SDK1: variants seen among roughly 807,000 people sequenced by gnomAD.
The protein encoded by SDK1 is sidekick cell adhesion molecule 1.
SDK1 carries 157 observed loss-of-function variants against 245.5 expected under a neutral mutation model. The observed-to-expected ratio is 0.64, with a 90% CI of 0.56 to 0.73. The LOEUF is 0.73. Ranked by LOEUF, SDK1 falls within the 30% of genes least tolerant of loss-of-function variation. The probability of loss-of-function intolerance (pLI) is 0.00; values close to 1 mark genes in which losing one functional copy is unlikely to be tolerated. For synonymous variants in SDK1, 1,647 were observed against 1,278.5 expected, an observed-to-expected ratio of 1.29 and a Z score of -6.15; for missense variants, 3,583 against 3,002.3, an observed-to-expected ratio of 1.19 and a Z score of -4.52.
At chr7:3,691,857 G>A (rs1298229552) in intron 4 of SDK1, among the ~76,000 whole-genome samples, 2 of 152,126 alleles carry the variant, frequency 1.3e-5, no homozygotes, top group African/African-American at 4.8e-5. Flanking sequence ...TTATAAGGCA[G>A]GTAATGTGAG....
intron 1 of SDK1, among the ~76,000 whole-genome samples, chr7:3,395,924 T>G (rs1202262816): frequency 1.3e-5 from 2 of 151,876 alleles, no homozygotes; most frequent in Non-Finnish European, 2.9e-5. Context: ...TTTTAATTTT[T>G]CCTCTGTTGT....
intron 1 of SDK1, among the ~76,000 whole-genome samples, chr7:3,368,355 C>G (rs1781142482): frequency 6.6e-6 from 1 of 152,202 alleles, no homozygotes; most frequent in South Asian, 2.1e-4. Context: ...AAAACGAACA[C>G]TTAAAAATTA....
intron 5 of SDK1, among the ~76,000 whole-genome samples, chr7:3,835,877 AC>A (rs1201590351): frequency 6.6e-6 from 1 of 152,222 alleles, no homozygotes; most frequent in African/African-American, 2.4e-5. Context: ...TCTGCCACTT[AC>A]ATTTTCAAAC....
chr7:3,924,163 G>A (rs1336000154), intron 5 of SDK1, among the ~76,000 whole-genome samples: 1 of 152,096 alleles, frequency 6.6e-6, no homozygotes, highest in South Asian at 2.1e-4. Context: ...CCATCCAGGT[G>A]GGGATGAGGA....
At chr7:3,880,196 G>C (rs147307065) in intron 5 of SDK1, among the ~76,000 whole-genome samples, 2 of 152,170 alleles carry the variant, frequency 1.3e-5, no homozygotes, top group Non-Finnish European at 2.9e-5. Context: ...CTGCAACTTC[G>C]GGATGGCCAG....
chr7:3,844,648 G>A (rs187036156), intron 5 of SDK1, among the ~76,000 whole-genome samples: 2 of 152,196 alleles, frequency 1.3e-5, no homozygotes, highest in African/African-American at 2.4e-5. Context: ...CAACAAGGAA[G>A]AGTTTACACA....
At chr7:4,109,707 C>G (rs2128190186) in intron 22 of SDK1, among the ~76,000 whole-genome samples, 1 of 152,330 alleles carries the variant, frequency 6.6e-6, no homozygotes, top group African/African-American at 2.4e-5. Flanking sequence ...CCGTGGCTCC[C>G]TAGCTGGCGC....
At chr7:3,514,105 A>G (rs1164939253) in intron 1 of SDK1, among the ~76,000 whole-genome samples, 1 of 152,140 alleles carries the variant, frequency 6.6e-6, no homozygotes, top group Non-Finnish European at 1.5e-5. Context: ...GAAGTAAGGA[A>G]AGAAGAGAGG....
intron 41 of SDK1, among the ~76,000 whole-genome samples, chr7:4,236,055 AAGG>A (rs1786144853): frequency 6.6e-6 from 1 of 152,222 alleles, no homozygotes; most frequent in Non-Finnish European, 1.5e-5. Flanking sequence ...GTCACCTCCT[AAGG>A]AGCCCTGTGA....
At chr7:3,391,478 T>C (rs1781746924) in intron 1 of SDK1, among the ~76,000 whole-genome samples, 1 of 152,022 alleles carries the variant, frequency 6.6e-6, no homozygotes, top group East Asian at 1.9e-4. Flanking sequence ...ATTTTTTTTT[T>C]CCTTTACGTT....
chr7:3,582,602 CAAAGT>C (rs1258445728), intron 1 of SDK1, among the ~76,000 whole-genome samples: 2 of 132,684 alleles, frequency 1.5e-5, no homozygotes, highest in Admixed American at 1.8e-4. Flanking sequence ...ACCTGGGTGA[CAAAGT>C]AATCTATGTA....
intron 1 of SDK1, among the ~76,000 whole-genome samples, chr7:3,606,968 C>T (rs907337462): frequency 6.6e-6 from 1 of 152,106 alleles, no homozygotes; most frequent in South Asian, 2.1e-4. Context: ...AATCAGGACA[C>T]TAATAAAGAA....
At chr7:4,165,780 A>T (rs1186017868) in intron 32 of SDK1, among the ~76,000 whole-genome samples, 1 of 148,566 alleles carries the variant, frequency 6.7e-6, no homozygotes, top group Non-Finnish European at 1.5e-5. Context: ...ATGAGCCACC[A>T]TGCCCAGCCT....
At chr7:4,045,022 G>A (rs536467254) in intron 17 of SDK1, among the ~76,000 whole-genome samples, 3 of 152,212 alleles carry the variant, frequency 2.0e-5, no homozygotes, top group South Asian at 2.1e-4. Context: ...GGAGCATGCA[G>A]TGTGCAGTCT....
At chr7:4,121,266 G>T (rs1026185464) in intron 25 of SDK1, among the ~76,000 whole-genome samples, 1 of 152,098 alleles carries the variant, frequency 6.6e-6, no homozygotes, top group African/African-American at 2.4e-5. Context: ...GCTGATTGTA[G>T]CATGTATGGT....
At chr7:3,759,850 C>T (rs1780042665) in intron 4 of SDK1, among the ~76,000 whole-genome samples, 1 of 152,120 alleles carries the variant, frequency 6.6e-6, no homozygotes, top group Non-Finnish European at 1.5e-5. Flanking sequence ...ACCTGGGCCT[C>T]CCAAAGTGCT....
rs369276752 is a variant in SDK1 at position 4,195,433 on chromosome 7, C to T, written c.5099-10446C>T. ...GGTTTCTTGGGGCTCAGCTTTTCCC[C>T]GTCCCTCCCCCACGTCACTCTCCAT... On this transcript the variant is annotated intron_variant, in intron 35 of 44. Transcript: ENST00000404826. 4.6e-5 allele frequency among the ~76,000 whole-genome samples: 7 copies of T among 152,114 alleles called. No homozygotes were observed. In the South Asian group the frequency reaches 8.3e-4, roughly 18 times the overall value.
chr7:3,712,604 A>G (rs559182915), intron 4 of SDK1, among the ~76,000 whole-genome samples: 2 of 152,352 alleles, frequency 1.3e-5, no homozygotes, highest in East Asian at 3.9e-4. Flanking sequence ...GCTGCTCTAC[A>G]GCATTATAAC....
chr7:3,463,528 G>A (rs1780897295), intron 1 of SDK1, among the ~76,000 whole-genome samples: 2 of 152,192 alleles, frequency 1.3e-5, no homozygotes, highest in Admixed American at 1.3e-4. Flanking sequence ...ATAATTGAAT[G>A]AAAAGTGCAT....
Sources: gnomAD v4.1 joint callset for allele counts (sites outside exome capture counted in the v4.1 genomes callset) on GRCh38, gnomAD v4.1.1 for gene constraint, MANE v1.5 for transcripts, NCBI Gene and HGNC (gene_info 2026-07-23, HGNC 2026-07-21) for gene names.